SLC30A8: variants seen among roughly 807,000 people sequenced by gnomAD.
SLC30A8 encodes the protein solute carrier family 30 member 8, also known as proton-coupled zinc antiporter SLC30A8.
Under a neutral mutation model 36.9 loss-of-function variants are expected in SLC30A8, and 27 were observed. The ratio of observed to expected loss-of-function variants is 0.73; its 90% CI spans 0.54 to 1.01. The LOEUF (loss-of-function observed/expected upper bound fraction) is 1.01. Ranked by LOEUF, SLC30A8 falls within the 50% of genes least tolerant of loss-of-function variation. The probability of loss-of-function intolerance (pLI) is 0.00; values close to 1 mark genes in which losing one functional copy is unlikely to be tolerated. For missense variants in SLC30A8, 439 were observed against 452.0 expected, an observed-to-expected ratio of 0.97 and a Z score of 0.26; for synonymous variants, 164 against 172.4, an observed-to-expected ratio of 0.95 and a Z score of 0.38.
intron 1 of SLC30A8, among the ~76,000 whole-genome samples, chr8:117,030,004 A>G (rs1816985230): frequency 6.6e-6 from 1 of 152,174 alleles, no homozygotes; most frequent in Non-Finnish European, 1.5e-5. Context: ...TTTAAGTTTG[A>G]TGAAAATGTA....
upstream of SLC30A8, among the ~76,000 whole-genome samples, chr8:117,134,058 G>A (rs1046297570): frequency 5.3e-5 from 8 of 151,906 alleles, no homozygotes; most frequent in African/African-American, 1.9e-4. Flanking sequence ...TGAACCAAAG[G>A]TGACTTCTCC....
intron 1 of SLC30A8, among the ~76,000 whole-genome samples, chr8:116,994,048 TA>T (rs796653965): frequency 0.011 from 1,616 of 143,150 alleles, 32 homozygotes; most frequent in African/African-American, 0.039. Flanking sequence ...AAAAACTAAA[TA>T]AAAAAAAAAG....
chr8:117,078,393 C>T lies in SLC30A8; in HGVS notation c.-226+39135C>T, dbSNP rs547472092. Among the ~76,000 whole-genome samples the T allele has an allele frequency of 6.6e-5, 10 of 152,314 alleles. No homozygotes were observed. In the South Asian group the frequency reaches 2.1e-3, roughly 32 times the overall value. ...TTCACAAAACCCTATGAGATAGGTG[C>T]TATTGCTGTTCTCATTTTACATAAA... On this transcript the variant is annotated intron_variant, in intron 2 of 10. Transcript: ENST00000427715.
intron 2 of SLC30A8, among the ~76,000 whole-genome samples, chr8:117,064,700 AC>A (rs1818116673): frequency 1.3e-5 from 2 of 152,200 alleles, no homozygotes; most frequent in African/African-American, 4.8e-5. Flanking sequence ...CCAGAGGAGA[AC>A]ACAAGGACCT....
intron 1 of SLC30A8, among the ~76,000 whole-genome samples, chr8:116,967,785 C>T (rs904483861): frequency 3.3e-5 from 5 of 152,160 alleles, no homozygotes; most frequent in African/African-American, 1.2e-4. Flanking sequence ...AATACTGTGA[C>T]ACATCCAGCA....
At chr8:116,979,280 A>C (rs1815173610) in intron 1 of SLC30A8, among the ~76,000 whole-genome samples, 1 of 151,526 alleles carries the variant, frequency 6.6e-6, no homozygotes, top group Non-Finnish European at 1.5e-5. Context: ...CAAATCATAA[A>C]GATAATTGTG....
rs758505118 is a variant in SLC30A8 at position 116,958,841 on chromosome 8, A to ATTTTTTTTT, written c.-266+7742_-266+7750dup. On this transcript the variant is annotated intron_variant, in intron 1 of 10. Coordinates refer to the SLC30A8 transcript ENST00000427715. ...CCTATAGCCCACTGATGCTCTTTTC[A>ATTTTTTTTT]TTTTTTTTTTTTTTTTTTTTTTTTT... 1.7e-4 allele frequency among the ~76,000 whole-genome samples: 10 copies of ATTTTTTTTT among 60,030 alleles called. 1 individual carries two copies. In the East Asian group the frequency reaches 2.2e-3, roughly 13 times the overall value. The allele number at this position is 60,030 out of a possible 152,430, so 39.4% of individuals were successfully genotyped here.
chr8:116,997,200 A>C (rs184228299), intron 1 of SLC30A8, among the ~76,000 whole-genome samples: 11 of 152,286 alleles, frequency 7.2e-5, no homozygotes, highest in Admixed American at 1.3e-4. Context: ...CTGAAGCATG[A>C]TCATCTAGGG....
chr8:117,098,499 G>A (rs1330846977), intron 2 of SLC30A8, among the ~76,000 whole-genome samples: 2 of 152,114 alleles, frequency 1.3e-5, no homozygotes, highest in African/African-American at 4.8e-5. Context: ...CCACGGATGC[G>A]TGTCTGGGAT....
intron 2 of SLC30A8, among the ~76,000 whole-genome samples, chr8:117,050,946 T>G (rs1380954700): frequency 6.6e-6 from 1 of 152,238 alleles, no homozygotes; most frequent in Non-Finnish European, 1.5e-5. Flanking sequence ...TCAGTCTCTC[T>G]TCTGCGAAAT....
chr8:117,023,524 T>C (rs1586411424), intron 1 of SLC30A8, among the ~76,000 whole-genome samples: 1 of 152,070 alleles, frequency 6.6e-6, no homozygotes, highest in Non-Finnish European at 1.5e-5. Context: ...ATATACACCA[T>C]GGAATACTAT....
intron 1 of SLC30A8, among the ~76,000 whole-genome samples, chr8:116,992,909 T>C (rs1317943675): frequency 6.6e-6 from 1 of 151,640 alleles, no homozygotes; most frequent in African/African-American, 2.4e-5. Context: ...TCTGACAGAG[T>C]TTTCCAATTT....
At chr8:117,031,668 T>G (rs897049534) in intron 1 of SLC30A8, among the ~76,000 whole-genome samples, 11 of 152,138 alleles carry the variant, frequency 7.2e-5, no homozygotes, top group Non-Finnish European at 1.5e-4. Context: ...TTCACCATGT[T>G]GGTTAGGCTG....
At position 116,980,742 on chromosome 8, in the gene SLC30A8, A is replaced by G. The variant is rs533022806; in HGVS notation, c.-266+29623A>G. 2.0e-5 allele frequency among the ~76,000 whole-genome samples: 3 copies of G among 152,274 alleles called. No individual in the cohort carries two copies. In the South Asian group the frequency reaches 6.2e-4, roughly 32 times the overall value. On this transcript the variant is annotated intron_variant, in intron 1 of 10. Coordinates refer to the SLC30A8 transcript ENST00000427715. ...AGGAACACTCTCAAAACACACCCCC[A>G]TCGAAAGGCAACTACCATCACCTTT...
rs555831185 is a variant in SLC30A8 at position 116,986,670 on chromosome 8, A to T, written c.-266+35551A>T. ...GTTACACCCCAGTCAGGAAAGCTGG[A>T]TGTGACAGCCTTCTCAGTCATCAGC... On this transcript the variant is annotated intron_variant, in intron 1 of 10. Coordinates refer to the SLC30A8 transcript ENST00000427715. 2.6e-5 allele frequency among the ~76,000 whole-genome samples: 4 copies of T among 152,258 alleles called. No homozygotes were observed. The South Asian group carries it at 6.2e-4, about 24-fold the overall frequency.
At chr8:117,074,841 C>T (rs765351861) in intron 2 of SLC30A8, among the ~76,000 whole-genome samples, 1 of 152,182 alleles carries the variant, frequency 6.6e-6, no homozygotes, top group Admixed American at 6.5e-5. Flanking sequence ...TTATCTGCCT[C>T]TATAAAATTG....
At chr8:116,964,468 C>A (rs1814531775) in intron 1 of SLC30A8, among the ~76,000 whole-genome samples, 1 of 152,114 alleles carries the variant, frequency 6.6e-6, no homozygotes, top group African/African-American at 2.4e-5. Flanking sequence ...TGTTTTAAAA[C>A]TCTAATTAAG....
At chr8:117,027,912 G>A (rs1228034792) in intron 1 of SLC30A8, among the ~76,000 whole-genome samples, 1 of 152,126 alleles carries the variant, frequency 6.6e-6, no homozygotes, top group Admixed American at 6.6e-5. Flanking sequence ...TGTCATTCAA[G>A]CTCTCTAAGC....
At chr8:117,045,819 C>A (rs543174810) in intron 2 of SLC30A8, among the ~76,000 whole-genome samples, 3 of 152,196 alleles carry the variant, frequency 2.0e-5, no homozygotes, top group African/African-American at 7.2e-5. Flanking sequence ...TCTGAACTTA[C>A]CGACCTCTTC....
Sources: allele counts gnomAD v4.1 joint callset (sites outside exome capture counted in the v4.1 genomes callset), GRCh38; gene constraint gnomAD v4.1.1; transcripts MANE v1.5; gene names NCBI Gene and HGNC (gene_info 2026-07-23, HGNC 2026-07-21).